Variants in TYW1B observed in about 807,000 individuals in gnomAD.
The protein encoded by TYW1B is tRNA-yW synthesizing protein 1 homolog B.
Under a neutral mutation model 86.9 loss-of-function variants are expected in TYW1B, and 73 were observed. The observed-to-expected ratio is 0.84, with a 90% CI of 0.70 to 1.02. The LOEUF is 1.02. Ranked by LOEUF, TYW1B falls within the 50% of genes least tolerant of loss-of-function variation. TYW1B has a pLI of 0.00. For synonymous variants in TYW1B, 248 were observed against 292.8 expected (o/e 0.85, Z 1.56); for missense variants, 637 against 827.4 (o/e 0.77, Z 2.82).
At chr7:72,616,949 T>C in intron 12 of TYW1B, 110 bp from the exon 13 acceptor site, 2 of 1,398,144 alleles carry the variant, frequency 1.4e-6, no homozygotes, top group Non-Finnish European at 2.0e-6. Context: ...ATCCAGTCCG[T>C]ATTTTACAGT....
chr7:72,588,718 T>C (rs1554430906), intron 13 of TYW1B, among the ~76,000 whole-genome samples: 1 of 152,186 alleles, frequency 6.6e-6, no homozygotes, highest in Non-Finnish European at 1.5e-5. Flanking sequence ...TTCCCTACCT[T>C]GTCTGTACAA....
At chr7:72,748,396 C>T (rs1554464269) in intron 7 of TYW1B, among the ~76,000 whole-genome samples, 1 of 151,978 alleles carries the variant, frequency 6.6e-6, no homozygotes, top group African/African-American at 2.4e-5. Context: ...AATCATGTCA[C>T]CTGCAAAACA....
At chr7:72,769,884 C>T (rs1393677600) in intron 7 of TYW1B, among the ~76,000 whole-genome samples, 2 of 151,876 alleles carry the variant, frequency 1.3e-5, no homozygotes, top group Non-Finnish European at 2.9e-5. Context: ...CCAGCCTGGC[C>T]AACATAGTGA....
At chr7:72,632,875 T>G (rs1482735759) in intron 11 of TYW1B, among the ~76,000 whole-genome samples, 1 of 152,170 alleles carries the variant, frequency 6.6e-6, no homozygotes, top group African/African-American at 2.4e-5. Flanking sequence ...GTTAAGTAAA[T>G]TGCCTGAAGT....
chr7:72,726,138 T>C (rs1180443261), intron 9 of TYW1B, among the ~76,000 whole-genome samples: 1 of 152,112 alleles, frequency 6.6e-6, no homozygotes, highest in African/African-American at 2.4e-5. Context: ...AAAACACTGG[T>C]AAGAGACACT....
chr7:72,764,989 CTTATTT>C (rs1397087142), intron 7 of TYW1B, among the ~76,000 whole-genome samples: 1 of 152,140 alleles, frequency 6.6e-6, no homozygotes, highest in Non-Finnish European at 1.5e-5. Context: ...CGTTACTATT[CTTATTT>C]TTATTTATAT....
At chr7:72,669,134 CTTT>C (rs781821639) in intron 11 of TYW1B, among the ~76,000 whole-genome samples, 2 of 81,552 alleles carry the variant, frequency 2.5e-5, no homozygotes, top group Non-Finnish European at 2.2e-5. Context: ...TAATTTTAAA[CTTT>C]TTTTTTTTTT....
At chr7:72,711,471 T>TTA (rs2129570679) in intron 10 of TYW1B, among the ~76,000 whole-genome samples, 1 of 117,238 alleles carries the variant, frequency 8.5e-6, no homozygotes, top group Admixed American at 1.0e-4. Flanking sequence ...TCCTCTTTAA[T>TTA]TCTTTTTTTT....
intron 11 of TYW1B, among the ~76,000 whole-genome samples, chr7:72,634,179 CT>C (rs573387096): frequency 9.4e-5 from 14 of 149,124 alleles, no homozygotes; most frequent in East Asian, 2.0e-4. Flanking sequence ...TCCCCACCTC[CT>C]TTTTTTTTTC....
intron 4 of TYW1B, among the ~76,000 whole-genome samples, chr7:72,808,995 A>G (rs1198618754): frequency 3.3e-5 from 5 of 151,952 alleles, no homozygotes; most frequent in African/African-American, 1.2e-4. Flanking sequence ...AGGATGAAAA[A>G]GGAGCCAAGT....
chr7:72,689,175 T>C (rs1166184592), intron 11 of TYW1B, among the ~76,000 whole-genome samples: 1 of 151,536 alleles, frequency 6.6e-6, no homozygotes, highest in Non-Finnish European at 1.5e-5. Flanking sequence ...TGATGAGAGG[T>C]GGAAATAAAC....
At chr7:72,781,896 A>G (rs567580350) in intron 6 of TYW1B, among the ~76,000 whole-genome samples, 1 of 152,254 alleles carries the variant, frequency 6.6e-6, no homozygotes, top group Non-Finnish European at 1.5e-5. Flanking sequence ...TACACAAAAC[A>G]TTCTTTATAA....
intron 11 of TYW1B, among the ~76,000 whole-genome samples, chr7:72,646,612 G>A (rs1283002707): frequency 6.6e-6 from 1 of 152,140 alleles, no homozygotes; most frequent in East Asian, 1.9e-4. Context: ...GAGCTCAAGC[G>A]ATCTGCCTGC....
intron 10 of TYW1B, among the ~76,000 whole-genome samples, chr7:72,709,538 G>C (rs1442078423): frequency 6.6e-6 from 1 of 152,060 alleles, no homozygotes; most frequent in Non-Finnish European, 1.5e-5. Flanking sequence ...GGTGGTGGTG[G>C]GTGCCTGTAG....
intron 7 of TYW1B, among the ~76,000 whole-genome samples, chr7:72,767,989 C>T (rs1206678128): frequency 3.3e-5 from 5 of 152,224 alleles, no homozygotes; most frequent in South Asian, 4.2e-4. Flanking sequence ...GTGGCTCATG[C>T]CTATAATCCC....
chr7:72,689,997 A>G (rs1180618109), intron 11 of TYW1B, among the ~76,000 whole-genome samples: 1 of 152,226 alleles, frequency 6.6e-6, no homozygotes, highest in Non-Finnish European at 1.5e-5. Context: ...TAACAATGGA[A>G]CAACCATTAT....
rs59438928 is a variant in TYW1B at position 72,711,473 on chromosome 7, CTTTTTTTTTTTTT to C, written c.1370+2135_1370+2147del. Among the ~76,000 whole-genome samples the C allele has an allele frequency of 6.8e-4, 39 of 56,974 alleles. 2 individuals carry two copies. The South Asian group carries it at 0.026, about 38-fold the overall frequency. The allele number at this position is 56,974 out of a possible 152,430, so 37.4% of individuals were successfully genotyped here. The stretch of plus-strand genomic sequence containing the variant: ...CTTCGTGTTTCTCTCCTCTTTAATT[CTTTTTTTTTTTTT>C]TTTTTTTTTTTTTTGCTCTGTAGCC... On this transcript the variant is annotated intron_variant, in intron 10 of 13. Coordinates refer to ENST00000620995, the MANE Select transcript of TYW1B (RefSeq NM_001145440.3).
intron 11 of TYW1B, among the ~76,000 whole-genome samples, chr7:72,651,314 T>A (rs1554442741): frequency 1.3e-5 from 2 of 152,196 alleles, no homozygotes; most frequent in Non-Finnish European, 2.9e-5. Context: ...TGTCTTATCA[T>A]ACCTTAAAAA....
chr7:72,703,648 A>T (rs1180939005), intron 10 of TYW1B, among the ~76,000 whole-genome samples: 1 of 151,414 alleles, frequency 6.6e-6, no homozygotes, highest in Non-Finnish European at 1.5e-5. Context: ...TGAGGTCAGG[A>T]GTTCGAGACC....
Sources: allele counts gnomAD v4.1 joint callset (sites outside exome capture counted in the v4.1 genomes callset), GRCh38; gene constraint gnomAD v4.1.1; transcripts MANE v1.5; gene names NCBI Gene and HGNC (gene_info 2026-07-23, HGNC 2026-07-21).